DNAH6: variants seen among roughly 807,000 people sequenced by gnomAD.
DNAH6 encodes dynein axonemal heavy chain 6, also known as axonemal beta dynein heavy chain 6.
In DNAH6, 340 loss-of-function variants were observed where a neutral mutation model predicts 491.4. That is an observed-to-expected ratio of 0.69 (90% confidence interval 0.63 to 0.76). DNAH6 has a LOEUF of 0.76. Ranked by LOEUF, DNAH6 falls within the 30% of genes least tolerant of loss-of-function variation. DNAH6 has a pLI of 0.00. For missense variants in DNAH6, 4,443 were observed against 4,972.2 expected (o/e 0.89, Z 3.20); for synonymous variants, 1,603 against 1,686.1 (o/e 0.95, Z 1.21).
intron 62 of DNAH6, among the ~76,000 whole-genome samples, chr2:84,739,385 G>T (rs574600387): frequency 6.6e-6 from 1 of 152,262 alleles, no homozygotes; most frequent in South Asian, 2.1e-4. Flanking sequence ...GTATTTGCAT[G>T]TCGACCTCTC....
the DNAH6 span, among the ~76,000 whole-genome samples, chr2:84,511,364 C>T: frequency 1.3e-5 from 2 of 152,228 alleles, no homozygotes; most frequent in African/African-American, 4.8e-5. Flanking sequence ...GCATAGGACT[C>T]TCCAAGCCAT....
chr2:84,670,711 C>T (rs994656825), intron 39 of DNAH6, among the ~76,000 whole-genome samples: 3 of 152,236 alleles, frequency 2.0e-5, no homozygotes, highest in African/African-American at 7.2e-5. Context: ...TCTGCCTCTC[C>T]ATGGCTCTCC....
chr2:84,719,562 G>A (rs1417639803), intron 59 of DNAH6, among the ~76,000 whole-genome samples: 1 of 151,960 alleles, frequency 6.6e-6, no homozygotes, highest in Non-Finnish European at 1.5e-5. Context: ...CCAGGCTGGA[G>A]TGCAGTGGCA....
intron 30 of DNAH6, among the ~76,000 whole-genome samples, chr2:84,636,514 G>A (rs999313591): frequency 6.6e-6 from 1 of 152,164 alleles, no homozygotes; most frequent in Non-Finnish European, 1.5e-5. Context: ...TCTCAAGAGT[G>A]AGGCTCCTTC....
chr2:84,791,045 C>T (rs1395417606), intron 68 of DNAH6, among the ~76,000 whole-genome samples: 1 of 151,936 alleles, frequency 6.6e-6, no homozygotes, highest in Non-Finnish European at 1.5e-5. Flanking sequence ...CAAAAATTAG[C>T]TGGGTGTGGT....
intron 68 of DNAH6, among the ~76,000 whole-genome samples, chr2:84,789,790 T>C (rs537720209): frequency 1.1e-4 from 16 of 152,334 alleles, no homozygotes; most frequent in Admixed American, 3.9e-4. Context: ...TAGAGCACTT[T>C]TACAAGAGTT....
chr2:84,807,446 A>G (rs1467055397), intron 71 of DNAH6, among the ~76,000 whole-genome samples: 4 of 152,214 alleles, frequency 2.6e-5, no homozygotes, highest in Non-Finnish European at 5.9e-5. Context: ...TACATTTTCC[A>G]TCCAGTTTGA....
chr2:84,777,794 C>G, intron 64 of DNAH6: 1 of 1,052,782 alleles, frequency 9.5e-7, no homozygotes, highest in African/African-American at 1.6e-5. Context: ...TTTGGGGAAG[C>G]CACTTATCTT....
chr2:84,472,188 A>G, the DNAH6 span, among the ~76,000 whole-genome samples: 1 of 151,800 alleles, frequency 6.6e-6, no homozygotes, highest in Non-Finnish European at 1.5e-5. Flanking sequence ...GCAGTGTTTT[A>G]TGTTCCTGGT....
intron 18 of DNAH6, among the ~76,000 whole-genome samples, chr2:84,601,051 T>TTA (rs1558778906): frequency 6.9e-6 from 1 of 145,140 alleles, no homozygotes; most frequent in African/African-American, 2.6e-5. Flanking sequence ...ATAATAATAA[T>TTA]GTTATTATTA....
intron 64 of DNAH6, among the ~76,000 whole-genome samples, chr2:84,768,357 G>T (rs1392657330): frequency 6.6e-6 from 1 of 151,434 alleles, no homozygotes; most frequent in Non-Finnish European, 1.5e-5. Flanking sequence ...TAAATAGAGA[G>T]AGTCTAAAAA....
At chr2:84,556,159 G>GA (rs1281952638) in intron 10 of DNAH6, among the ~76,000 whole-genome samples, 1 of 152,186 alleles carries the variant, frequency 6.6e-6, no homozygotes, top group African/African-American at 2.4e-5. Flanking sequence ...TTAACAGATA[G>GA]AAAAAATCCT....
At chr2:84,745,957 A>G (rs1355845582) in intron 63 of DNAH6, among the ~76,000 whole-genome samples, 1 of 152,162 alleles carries the variant, frequency 6.6e-6, no homozygotes, top group Non-Finnish European at 1.5e-5. Flanking sequence ...AGTCTGAATT[A>G]AGACAGAGGT....
intron 61 of DNAH6, among the ~76,000 whole-genome samples, chr2:84,730,443 T>G (rs1032341349): frequency 2.0e-5 from 3 of 152,196 alleles, no homozygotes; most frequent in Non-Finnish European, 4.4e-5. Context: ...TAAATGATGA[T>G]ATTTTAAACA....
the DNAH6 span, among the ~76,000 whole-genome samples, chr2:84,480,691 G>A: frequency 8.4e-4 from 128 of 152,256 alleles, 1 homozygote; most frequent in Non-Finnish European, 1.5e-3. Context: ...GGCCAGGTGC[G>A]GTGGCTCACG....
chr2:84,579,845 C>T (rs577324868), intron 14 of DNAH6, among the ~76,000 whole-genome samples, 166 bp downstream of exon 14: 1 of 152,298 alleles, frequency 6.6e-6, no homozygotes, highest in African/African-American at 2.4e-5. Context: ...AGCCAGCTGA[C>T]AGTTATCAGA....
At chr2:84,767,354 A>T (rs982351163) in intron 64 of DNAH6, among the ~76,000 whole-genome samples, 10 of 151,928 alleles carry the variant, frequency 6.6e-5, no homozygotes, top group Non-Finnish European at 4.4e-5. Flanking sequence ...CAACATAGTG[A>T]GACCCCATCA....
chr2:84,748,026 A>G (rs1479443502), intron 63 of DNAH6, among the ~76,000 whole-genome samples: 1 of 152,176 alleles, frequency 6.6e-6, no homozygotes, highest in Non-Finnish European at 1.5e-5. Context: ...AGGCTTGTCT[A>G]CTGAAACTAT....
At position 84,762,962 on chromosome 2, in the gene DNAH6, C is replaced by T. The variant is rs1441313864; in HGVS notation, c.10703+17C>T. ...TTCAGAACGGTAAGTTCATGTTGTG[C>T]AGTTTTAATAATGCAAATGCATATG... On this transcript the variant is annotated intron_variant, in intron 64 of 76. Coordinates refer to ENST00000389394, the MANE Select transcript of DNAH6 (RefSeq NM_001370.2). 2.6e-6 allele frequency: 4 copies of T among 1,542,256 alleles called. No homozygotes were observed.
Sources: allele counts gnomAD v4.1 joint callset (sites outside exome capture counted in the v4.1 genomes callset), GRCh38; gene constraint gnomAD v4.1.1; transcripts MANE v1.5; gene names NCBI Gene and HGNC (gene_info 2026-07-23, HGNC 2026-07-21).